The following ZFHX3 variants were observed in gnomAD, a reference collection of about 807,000 sequenced individuals.
ZFHX3 encodes the protein zinc finger homeobox 3.
Under a neutral mutation model 279.1 loss-of-function variants are expected in ZFHX3, and 42 were observed. The observed-to-expected ratio is 0.15, with a 90% CI of 0.12 to 0.19. ZFHX3 has a LOEUF of 0.19. ZFHX3 is among the 10% of genes least tolerant of loss of function. The probability of loss-of-function intolerance (pLI) is 1.00; values close to 1 mark genes in which losing one functional copy is unlikely to be tolerated. For synonymous variants in ZFHX3, 2,293 were observed against 1,957.8 expected (o/e 1.17, Z -4.52); for missense variants, 4,981 against 4,754.0 (o/e 1.05, Z -1.40).
intron 1 of ZFHX3, among the ~76,000 whole-genome samples, chr16:73,857,949 A>G (rs1597146547): frequency 6.6e-6 from 1 of 152,206 alleles, no homozygotes; most frequent in East Asian, 1.9e-4. Context: ...TACAAAAATT[A>G]GCAGAGCTGG....
Position 72,788,103 on chromosome 16 carries a change from C to G in ZFHX3, c.10173G>C (p.Val3391=), listed in dbSNP as rs753373509. The G allele has an allele frequency of 1.2e-5, 20 of 1,608,500 alleles. No individual in the cohort carries two copies. The Admixed American group carries it at 3.3e-4, about 27-fold the overall frequency. The change falls in exon 10 of 10, where the codon GTG becomes GTC. Residue 3391 remains valine, a synonymous_variant. Coordinates refer to ENST00000268489, the MANE Select transcript of ZFHX3 (RefSeq NM_006885.4). The part of the protein sequence containing the change: ...RQLQQQQQQK[V]QQQQPKASQT... ...GGCTTGCTTTGGGCTGCTGCTGCTG[C>G]ACTTTTTGCTGCTGCTGCTGCTGTA...
At chr16:73,563,148 T>A (rs546842607) in intron 2 of ZFHX3, among the ~76,000 whole-genome samples, 31 of 149,910 alleles carry the variant, frequency 2.1e-4, no homozygotes, top group Non-Finnish European at 4.0e-4. Flanking sequence ...AAGTGCAGTC[T>A]TTTTTTGTTT....
rs1555528625 is a variant in ZFHX3 at position 72,900,155 on chromosome 16, A to AAAAC, written c.3217-10194_3217-10193insGTTT. ...CCTTGCCAAAAAAAAAAAAAAAAAA[A>AAAAC]CAAGAAGTGTTTACTGGGTCTGTTT... On this transcript the variant is annotated intron_variant, in intron 3 of 9. Transcript: ENST00000268489. Among the ~76,000 whole-genome samples, 3 of 149,544 alleles carry AAAAC rather than the reference A, an allele frequency of 2.0e-5. 1 individual carries two copies. Among genetic ancestry groups the AAAAC allele is most frequent in the Non-Finnish European group, 3.0e-5 (2 of 67,060 alleles).
At chr16:72,893,346 C>T (rs1420803311) in intron 3 of ZFHX3, among the ~76,000 whole-genome samples, 1 of 152,182 alleles carries the variant, frequency 6.6e-6, no homozygotes, top group Non-Finnish European at 1.5e-5. Flanking sequence ...TTTCAAACAT[C>T]AAATTTGAAT....
chr16:72,829,317 A>G (rs1424058039), intron 5 of ZFHX3, among the ~76,000 whole-genome samples: 1 of 152,018 alleles, frequency 6.6e-6, no homozygotes, highest in East Asian at 1.9e-4. Context: ...CCCTTAGAGA[A>G]TCTTGAGGCT....
intron 5 of ZFHX3, among the ~76,000 whole-genome samples, chr16:73,182,744 ATAGAAC>A (rs1344552917): frequency 6.6e-6 from 1 of 152,206 alleles, no homozygotes; most frequent in African/African-American, 2.4e-5. Context: ...AGCAACATGA[ATAGAAC>A]TAGAGGCCAT....
chr16:73,050,002 C>T (rs778919796), upstream of ZFHX3, among the ~76,000 whole-genome samples: 28 of 152,204 alleles, frequency 1.8e-4, no homozygotes, highest in Admixed American at 7.8e-4. Context: ...GCAATCTCTC[C>T]GGAAAAACGA....
intron 3 of ZFHX3, among the ~76,000 whole-genome samples, chr16:73,447,225 A>C (rs1027626052): frequency 1.1e-4 from 17 of 152,032 alleles, no homozygotes; most frequent in African/African-American, 3.9e-4. Context: ...TCTCTGCTCC[A>C]ACATCTAATA....
chr16:72,932,653 CAAAA>C (rs3079316), intron 3 of ZFHX3, among the ~76,000 whole-genome samples: 1 of 103,254 alleles, frequency 9.7e-6, no homozygotes. Context: ...TGCTCCGCAC[CAAAA>C]AAAAAAAAAA....
rs567365103 is a variant in ZFHX3, at chr16:73,320,923, G to A, written c.-1290-2587C>T. 7.8e-4 allele frequency among the ~76,000 whole-genome samples: 118 copies of A among 152,252 alleles called. 2 individuals are homozygous for A. Among genetic ancestry groups the A allele is most frequent in the African/African-American group, 2.7e-3 (111 of 41,542 alleles). Reference sequence around the variant, plus strand: ...GCTTGGGACTGTGATAGTTTCTGACGACAGAGATCCTACCAGCACAGGGCT... The same window carrying A: ...GCTTGGGACTGTGATAGTTTCTGACAACAGAGATCCTACCAGCACAGGGCT... On this transcript the variant is annotated intron_variant, in intron 3 of 17. Coordinates refer to the ZFHX3 transcript ENST00000641206.
intron 2 of ZFHX3, among the ~76,000 whole-genome samples, chr16:73,654,985 C>G: frequency 6.6e-6 from 1 of 151,648 alleles, no homozygotes; most frequent in Non-Finnish European, 1.5e-5. Context: ...CTCAGCTTCC[C>G]CAGTAGCTGG....
At chr16:73,449,251 GTTTATT>G (rs1032495511) in intron 3 of ZFHX3, among the ~76,000 whole-genome samples, 2 of 152,188 alleles carry the variant, frequency 1.3e-5, no homozygotes, top group Admixed American at 6.5e-5. Flanking sequence ...ATTCTTGTGT[GTTTATT>G]TTTATTTTAT....
intron 1 of ZFHX3, among the ~76,000 whole-genome samples, chr16:73,789,578 T>C (rs541063801): frequency 6.6e-6 from 1 of 152,288 alleles, no homozygotes; most frequent in South Asian, 2.1e-4. Context: ...CTAGAAGGAA[T>C]TGCAAATATT....
intron 1 of ZFHX3, among the ~76,000 whole-genome samples, chr16:73,758,918 C>A (rs943462520): frequency 2.0e-5 from 3 of 152,086 alleles, no homozygotes; most frequent in Admixed American, 6.5e-5. Context: ...TACTATTATC[C>A]CCATTTTACA....
At chr16:72,863,496 TGACAGAGACAGAGAGAGAGAGAGACAGA>T (rs1453921963) in intron 4 of ZFHX3, among the ~76,000 whole-genome samples, 48 of 150,178 alleles carry the variant, frequency 3.2e-4, no homozygotes, top group African/African-American at 1.2e-3. Context: ...CCAACTTGGG[TGACAGAGACAGAGAGAGAGAGAGACAGA>T]GACAGAGACA....
intron 2 of ZFHX3, among the ~76,000 whole-genome samples, chr16:73,487,987 A>C (rs2019002740): frequency 1.3e-5 from 2 of 152,182 alleles, no homozygotes; most frequent in Admixed American, 1.3e-4. Context: ...AGCCAACATG[A>C]TGTGATACAG....
chr16:72,889,643 T>C (rs977752888), intron 4 of ZFHX3, 88 bp downstream of exon 4: 55 of 1,269,944 alleles, frequency 4.3e-5, no homozygotes, highest in Middle Eastern at 5.5e-4. Flanking sequence ...ATCAGTAACG[T>C]CTCCCTCAAA....
intron 2 of ZFHX3, among the ~76,000 whole-genome samples, chr16:73,647,058 G>A (rs1201705920): frequency 1.4e-5 from 2 of 146,880 alleles, no homozygotes; most frequent in African/African-American, 5.0e-5. Context: ...TCTGTTGCCA[G>A]GTTGGAGTGT....
intron 1 of ZFHX3, among the ~76,000 whole-genome samples, chr16:73,029,585 A>G (rs1217993226): frequency 2.6e-5 from 4 of 152,218 alleles, no homozygotes; most frequent in South Asian, 2.1e-4. Context: ...TATTAGAGAG[A>G]AAACAGCATT....
Sources: allele counts gnomAD v4.1 joint callset (sites outside exome capture counted in the v4.1 genomes callset), GRCh38; gene constraint gnomAD v4.1.1; transcripts MANE v1.5; gene names NCBI Gene and HGNC (gene_info 2026-07-23, HGNC 2026-07-21).